Variants in CSMD1 observed in about 807,000 individuals in gnomAD.
CSMD1 encodes the protein CUB and sushi domain-containing protein 1.
Under a neutral mutation model 417.5 loss-of-function variants are expected in CSMD1, and 213 were observed. The ratio of observed to expected loss-of-function variants is 0.51; its 90% CI spans 0.46 to 0.57. The LOEUF (loss-of-function observed/expected upper bound fraction) is 0.57. Ranked by LOEUF, CSMD1 falls within the 20% of genes least tolerant of loss-of-function variation. The probability of loss-of-function intolerance (pLI) is 0.00; values close to 1 mark genes in which losing one functional copy is unlikely to be tolerated. For missense variants in CSMD1, 6,923 were observed against 4,529.7 expected, an observed-to-expected ratio of 1.53 and a Z score of -15.17; for synonymous variants, 2,862 against 1,736.8, an observed-to-expected ratio of 1.65 and a Z score of -16.11.
chr8:3,784,934 A>C (rs1307469552), intron 5 of CSMD1, among the ~76,000 whole-genome samples: 1 of 152,186 alleles, frequency 6.6e-6, no homozygotes, highest in Non-Finnish European at 1.5e-5. Context: ...TTTCCTGTTG[A>C]GCTAAAATAT....
chr8:4,000,453 A>G (rs904351228), intron 4 of CSMD1, among the ~76,000 whole-genome samples: 2 of 152,266 alleles, frequency 1.3e-5, no homozygotes, highest in African/African-American at 2.4e-5. Context: ...TATTCCAGCC[A>G]TGAGGAAAAA....
intron 5 of CSMD1, among the ~76,000 whole-genome samples, chr8:3,942,504 G>A (rs370650838): frequency 5.9e-4 from 89 of 152,034 alleles, no homozygotes; most frequent in African/African-American, 2.1e-3. Flanking sequence ...TTACCTTCAG[G>A]GACTATAACC....
chr8:3,470,537 T>G (rs1353393346), intron 11 of CSMD1, among the ~76,000 whole-genome samples: 1 of 152,198 alleles, frequency 6.6e-6, no homozygotes, highest in Non-Finnish European at 1.5e-5. Flanking sequence ...GTATTTTGTA[T>G]GTACATTTGT....
chr8:4,757,696 T>G (rs1811753998), intron 1 of CSMD1, among the ~76,000 whole-genome samples: 1 of 152,148 alleles, frequency 6.6e-6, no homozygotes, highest in African/African-American at 2.4e-5. Flanking sequence ...TGGTGGCTTA[T>G]GTCTGTAATC....
intron 1 of CSMD1, among the ~76,000 whole-genome samples, chr8:4,835,277 A>G (rs1323005541): frequency 6.6e-6 from 1 of 152,134 alleles, no homozygotes; most frequent in Non-Finnish European, 1.5e-5. Context: ...AGGTTACAAT[A>G]CAAACATCGT....
rs769207768 is a variant in CSMD1 at position 3,432,508 on chromosome 8, CTTT to C, written c.1562-22906_1562-22904del. ...AGTTAAAAATTGTTTTCAATATGGG[CTTT>C]TTTTTTTTTTTTTTTTTGAGATGGA... On this transcript the variant is annotated intron_variant, in intron 12 of 69. Coordinates refer to ENST00000635120, the MANE Select transcript of CSMD1 (RefSeq NM_033225.6). Among the ~76,000 whole-genome samples, 676 of 105,292 alleles carry C rather than the reference CTTT, an allele frequency of 6.4e-3. 2 individuals are homozygous for C. The highest frequency in any genetic ancestry group is 9.7e-3 in the Non-Finnish European group (525 of 53,944). 69.1% of individuals were successfully genotyped at this position (105,292 alleles called of 152,430 possible). A position where few individuals can be genotyped will look rare whatever the true frequency, so the allele number is the denominator to read the frequency against.
intron 5 of CSMD1, among the ~76,000 whole-genome samples, chr8:3,947,105 G>A (rs1257472724): frequency 1.3e-5 from 2 of 152,236 alleles, no homozygotes; most frequent in East Asian, 3.9e-4. Flanking sequence ...TTTTGTTTCT[G>A]ATTTTATGAG....
chr8:4,988,377 G>A (rs755977381), intron 1 of CSMD1, among the ~76,000 whole-genome samples: 1 of 152,166 alleles, frequency 6.6e-6, no homozygotes, highest in Admixed American at 6.5e-5. Flanking sequence ...GCTAAAACTA[G>A]TTCAGGATTT....
At chr8:4,925,289 T>G (rs1806781874) in intron 1 of CSMD1, among the ~76,000 whole-genome samples, 1 of 130,338 alleles carries the variant, frequency 7.7e-6, no homozygotes, top group African/African-American at 2.8e-5. Context: ...GAGTTCAACT[T>G]GAAGGTTAAT....
chr8:3,355,618 A>AC (rs1808729013), intron 21 of CSMD1, among the ~76,000 whole-genome samples: 1 of 152,170 alleles, frequency 6.6e-6, no homozygotes, highest in African/African-American at 2.4e-5. Context: ...GGGCTACAGC[A>AC]CTGTATGTGA....
chr8:3,727,259 G>T (rs1007385723), intron 6 of CSMD1, among the ~76,000 whole-genome samples: 8 of 152,140 alleles, frequency 5.3e-5, no homozygotes, highest in African/African-American at 1.9e-4. Context: ...CTAACCTCTG[G>T]AAAGTAATTC....
chr8:3,469,973 T>C (rs1052397622), intron 11 of CSMD1, among the ~76,000 whole-genome samples: 2 of 152,208 alleles, frequency 1.3e-5, no homozygotes, highest in African/African-American at 4.8e-5. Flanking sequence ...TTTTCTTTCT[T>C]TCTTATTCAT....
intron 41 of CSMD1, among the ~76,000 whole-genome samples, chr8:3,139,366 C>G (rs998648572): frequency 1.3e-5 from 2 of 152,082 alleles, no homozygotes; most frequent in Non-Finnish European, 2.9e-5. Context: ...ACAACTTAGC[C>G]AGAGAGATAG....
intron 50 of CSMD1, among the ~76,000 whole-genome samples, chr8:3,047,472 T>C (rs1455918105): frequency 6.6e-6 from 1 of 152,260 alleles, no homozygotes; most frequent in South Asian, 2.1e-4. Flanking sequence ...TGATGCCCCA[T>C]TCAGAGCACA....
Position 3,029,599 on chromosome 8 carries a change from A to G in CSMD1, c.7661-86T>C, listed in dbSNP as rs577795893. ...TTGCTTTGGATGGCAAGGTCTTGCTATATGAAACTGATCTTGTTTGGCAAA... is the reference window on the plus strand; with the variant it reads ...TTGCTTTGGATGGCAAGGTCTTGCTGTATGAAACTGATCTTGTTTGGCAAA... On this transcript the variant is annotated intron_variant, in intron 50 of 69. Transcript: ENST00000635120. 7 of 1,179,076 alleles carry G rather than the reference A, an allele frequency of 5.9e-6. No individual in the cohort carries two copies. In the Admixed American group the frequency reaches 1.2e-4, roughly 20 times the overall value. The allele number at this position is 1,179,076 out of a possible 1,614,324, so 73.0% of individuals were successfully genotyped here. A position where few individuals can be genotyped will look rare whatever the true frequency, so the allele number is the denominator to read the frequency against.
chr8:4,532,475 AC>A (rs1796876340), intron 2 of CSMD1, among the ~76,000 whole-genome samples: 1 of 138,154 alleles, frequency 7.2e-6, no homozygotes. Context: ...ACCCCCATTC[AC>A]AGTCACTCCG....
At chr8:4,790,915 G>C (rs891883415) in intron 1 of CSMD1, among the ~76,000 whole-genome samples, 3 of 152,128 alleles carry the variant, frequency 2.0e-5, no homozygotes, top group African/African-American at 7.2e-5. Context: ...TTTGGACCTA[G>C]GCCCTGGCAA....
intron 11 of CSMD1, among the ~76,000 whole-genome samples, chr8:3,477,104 T>C (rs76012344): frequency 0.061 from 9,325 of 152,200 alleles, 712 homozygotes; most frequent in East Asian, 0.25. Context: ...AGTTCTACTT[T>C]ACTGTATATC....
At chr8:3,618,929 C>T (rs1298361466) in intron 7 of CSMD1, among the ~76,000 whole-genome samples, 2 of 152,068 alleles carry the variant, frequency 1.3e-5, no homozygotes, top group Non-Finnish European at 2.9e-5. Context: ...TGTGGGCTGC[C>T]TGAGAGACTG....
Sources: allele counts gnomAD v4.1 joint callset (sites outside exome capture counted in the v4.1 genomes callset), GRCh38; gene constraint gnomAD v4.1.1; transcripts MANE v1.5; gene names NCBI Gene and HGNC (gene_info 2026-07-23, HGNC 2026-07-21).